The following VAPA variants were observed in gnomAD, a reference collection of about 807,000 sequenced individuals.
VAPA encodes the protein vesicle-associated membrane protein-associated protein A.
Under a neutral mutation model 25.6 loss-of-function variants are expected in VAPA, and 6 were observed. The ratio of observed to expected loss-of-function variants is 0.23; its 90% CI spans 0.13 to 0.46. The LOEUF is 0.46. VAPA is among the 20% of genes least tolerant of loss of function. VAPA has a pLI of 0.99. For missense variants in VAPA, 244 were observed against 302.1 expected, an observed-to-expected ratio of 0.81 and a Z score of 1.43; for synonymous variants, 112 against 106.2, an observed-to-expected ratio of 1.05 and a Z score of -0.34.
At chr18:9,922,435 G>A (rs1398828837) in intron 1 of VAPA, among the ~76,000 whole-genome samples, 2 of 151,960 alleles carry the variant, frequency 1.3e-5, no homozygotes, top group Non-Finnish European at 2.9e-5. Context: ...CTAATATTTA[G>A]TCTATTACAA....
intron 1 of VAPA, among the ~76,000 whole-genome samples, chr18:9,924,533 C>T (rs951917029): frequency 6.6e-6 from 1 of 152,146 alleles, no homozygotes; most frequent in African/African-American, 2.4e-5. Context: ...AAGATTATGT[C>T]ACCAGGATTG....
At chr18:9,922,170 A>G (rs913395916) in intron 1 of VAPA, among the ~76,000 whole-genome samples, 1 of 151,832 alleles carries the variant, frequency 6.6e-6, no homozygotes, top group African/African-American at 2.4e-5. Context: ...CAGTCTTGCT[A>G]TTTTGCCCAG....
In VAPA at chr18:9,954,137, A is replaced by G. The variant is rs1237671148; in HGVS notation, c.676A>G (p.Ser226Gly). 6 of 1,613,958 alleles carry G rather than the reference A, an allele frequency of 3.7e-6. No homozygotes were observed. Among genetic ancestry groups the G allele is most frequent in the Non-Finnish European group, 4.2e-6 (5 of 1,179,926 alleles). The change falls in exon 6 of 6, where the codon AGT becomes GGT. Residue 226 changes from serine (S) to glycine (G), a missense_variant. By Grantham distance (56) the Ser-to-Gly change is moderately conservative. This residue lies in a region of VAPA where 145 missense variants were observed against 140.6 expected (regional missense o/e 1.03). Coordinates refer to ENST00000400000, the MANE Select transcript of VAPA (RefSeq NM_194434.3). ...TGCATCCTTCAGAGATAATGTCACCAGTCCTCTTCCTTCACTTCTTGTTGT... is the reference window on the plus strand; with the variant it reads ...TGCATCCTTCAGAGATAATGTCACCGGTCCTCTTCCTTCACTTCTTGTTGT... ...STASFRDNVT[S>G]PLPSLLVVIA... is the part of the protein sequence containing the mutation.
chr18:9,955,899 CCT>C lies in VAPA; in HGVS notation c.*1692_*1693del, dbSNP rs1240034159. ...GCTTTACTGTCTTTGTAAAAATCCC[CCT>C]CTCCCCTTTTCTGGTAACTGGAAAA... is the stretch of plus-strand genomic sequence containing the variant. On this transcript the variant is annotated 3_prime_UTR_variant, in exon 6 of 6. Coordinates refer to ENST00000400000, the MANE Select transcript of VAPA (RefSeq NM_194434.3). 2 of 151,206 alleles carry C rather than the reference CCT, an allele frequency of 1.3e-5. No individual in the cohort carries two copies. Among genetic ancestry groups the C allele is most frequent in the Admixed American group, 6.6e-5 (1 of 15,194 alleles). The allele number at this position is 151,206 out of a possible 1,614,324, so 9.4% of individuals were successfully genotyped here. A position where few individuals can be genotyped will look rare whatever the true frequency, so the allele number is the denominator to read the frequency against.
chr18:9,935,787 C>A (rs557362216), intron 2 of VAPA, among the ~76,000 whole-genome samples: 103 of 152,230 alleles, frequency 6.8e-4, no homozygotes, highest in African/African-American at 2.3e-3. Context: ...TTAGAAAGGG[C>A]AAAATCATAG....
chr18:9,923,129 A>G (rs2069171254), intron 1 of VAPA, among the ~76,000 whole-genome samples: 1 of 152,192 alleles, frequency 6.6e-6, no homozygotes. Context: ...AATATACCAT[A>G]GCATGCTTAG....
chr18:9,917,880 A>G (rs1213829467), intron 1 of VAPA, among the ~76,000 whole-genome samples: 1 of 152,250 alleles, frequency 6.6e-6, no homozygotes, highest in African/African-American at 2.4e-5. Context: ...TCGGCTCTTC[A>G]TGTTTCCCAG....
At chr18:9,939,128 T>G (rs1375834479) in intron 4 of VAPA, among the ~76,000 whole-genome samples, 6 of 150,380 alleles carry the variant, frequency 4.0e-5, no homozygotes, top group Middle Eastern at 6.8e-3. Context: ...TTTTTTTTTC[T>G]GCAGTTTGTT....
intron 4 of VAPA, 46 bp downstream of exon 4, chr18:9,937,112 G>T: frequency 6.7e-7 from 1 of 1,482,858 alleles, no homozygotes; most frequent in Non-Finnish European, 9.3e-7. Flanking sequence ...TGAGCTCTCA[G>T]TTCCTTTGAT....
chr18:9,959,752 G>T lies in VAPA; in HGVS notation c.*5541G>T, dbSNP rs575854915. 1 of 149,632 alleles carries T rather than the reference G, an allele frequency of 6.7e-6. No individual in the cohort carries two copies. The highest frequency in any genetic ancestry group is 1.5e-5 in the Non-Finnish European group (1 of 67,426). The allele number at this position is 149,632 out of a possible 1,614,324, so 9.3% of individuals were successfully genotyped here. A position where few individuals can be genotyped will look rare whatever the true frequency, so the allele number is the denominator to read the frequency against. On this transcript the variant is annotated 3_prime_UTR_variant, in exon 6 of 6. Transcript: ENST00000400000. ...AAAAAAAAAAAAAAAAAAAAATGTG[G>T]AGGGTTGAAATGGTAAGGAATTGGA...
intron 1 of VAPA, among the ~76,000 whole-genome samples, chr18:9,921,955 GTTTA>G (rs113050282): frequency 6.6e-6 from 1 of 151,902 alleles, no homozygotes; most frequent in African/African-American, 2.4e-5. Flanking sequence ...AATCATACGT[GTTTA>G]TTTATATATT....
intron 4 of VAPA, 119 bp from the exon 5 acceptor site, chr18:9,950,276 G>A (rs2069474862): frequency 9.5e-7 from 1 of 1,050,096 alleles, no homozygotes; most frequent in African/African-American, 1.6e-5. Context: ...GACATGTACT[G>A]ATTTAGGCCT....
chr18:9,954,503 TA>T lies in VAPA; in HGVS notation c.*294del, dbSNP rs1159996871. 27 of 268,098 alleles carry T rather than the reference TA, an allele frequency of 1.0e-4. No homozygotes were observed. The highest frequency in any genetic ancestry group is 1.7e-4 in the Non-Finnish European group (25 of 145,046). 16.6% of individuals were successfully genotyped at this position (268,098 alleles called of 1,614,324 possible). A position where few individuals can be genotyped will look rare whatever the true frequency, so the allele number is the denominator to read the frequency against. Reference sequence around the variant, plus strand: ...AAGAATTGTTCTTTCTTTGTGGTTTTAATAAGAGTTCAAGAATTGTTCAGAG... The same window carrying T: ...AAGAATTGTTCTTTCTTTGTGGTTTTATAAGAGTTCAAGAATTGTTCAGAG... On this transcript the variant is annotated 3_prime_UTR_variant, in exon 6 of 6. Coordinates refer to ENST00000400000, the MANE Select transcript of VAPA (RefSeq NM_194434.3).
intron 5 of VAPA, among the ~76,000 whole-genome samples, chr18:9,953,521 A>G (rs368976137): frequency 2.6e-5 from 4 of 152,304 alleles, no homozygotes; most frequent in South Asian, 4.1e-4. Context: ...GTTTACGGCA[A>G]GAACACCCTT....
At position 9,957,252 on chromosome 18, in the gene VAPA, A is replaced by C. The variant is rs2143464529; in HGVS notation, c.*3041A>C. On this transcript the variant is annotated 3_prime_UTR_variant, in exon 6 of 6. Coordinates refer to ENST00000400000, the MANE Select transcript of VAPA (RefSeq NM_194434.3). ...TCACCATGTTGGTCAGGCTGGGCTC[A>C]AACTCCTGAATCCGCCTGCCTCGGC... 6.6e-6 allele frequency: 1 copy of C among 152,220 alleles called. No individual in the cohort carries two copies. Among genetic ancestry groups the C allele is most frequent in the Non-Finnish European group, 1.5e-5 (1 of 68,042 alleles). The allele number at this position is 152,220 out of a possible 1,614,324, so 9.4% of individuals were successfully genotyped here.
At chr18:9,925,387 A>T (rs2069191947) in intron 1 of VAPA, among the ~76,000 whole-genome samples, 2 of 152,096 alleles carry the variant, frequency 1.3e-5, no homozygotes, top group Non-Finnish European at 2.9e-5. Context: ...TAATCTCAGG[A>T]TCCATACTTT....
Position 9,914,286 on chromosome 18 carries a change from G to A in VAPA, c.30G>A (p.Lys10=). 1 of 1,592,068 alleles carries A rather than the reference G, an allele frequency of 6.3e-7. No homozygotes were observed. The highest frequency in any genetic ancestry group is 2.4e-5 in the East Asian group (1 of 41,482). The change falls in exon 1 of 6, where the codon AAG becomes AAA. Residue 10 remains lysine (K), a synonymous_variant. Transcript: ENST00000400000. ...CGTCCGCCTCAGGGGCCATGGCGAA[G>A]CACGAGCAGATCCTGGTCCTCGATC... MASASGAMA[K]HEQILVLDPP...
chr18:9,938,655 A>G (rs1259110792), intron 4 of VAPA, among the ~76,000 whole-genome samples: 3 of 152,210 alleles, frequency 2.0e-5, no homozygotes, highest in Non-Finnish European at 4.4e-5. Context: ...AGTAACTTCA[A>G]AGTACTTTAG....
chr18:9,937,034 G>T lies in VAPA; in HGVS notation c.385G>T (p.Val129Leu). ...ATTAATGGATTCCAAATTGAGATGC[G>T]TATTTGAAATGCCCAATGAAAATGA... The part of the protein sequence containing the change: ...DELMDSKLRC[V>L]FEMPNENDKL... Residue 129 changes from valine (V) to leucine (L), a missense_variant, in exon 4 of 6, where the codon GTA becomes TTA. Transcript: ENST00000400000. 1 of 1,613,898 alleles carries T rather than the reference G, an allele frequency of 6.2e-7. No homozygotes were observed. The highest frequency in any genetic ancestry group is 8.5e-7 in the Non-Finnish European group (1 of 1,179,902).
Sources: allele counts gnomAD v4.1 joint callset (sites outside exome capture counted in the v4.1 genomes callset), GRCh38; gene constraint gnomAD v4.1.1; regional missense constraint gnomAD v4.1.1; transcripts MANE v1.5; gene names NCBI Gene and HGNC (gene_info 2026-07-23, HGNC 2026-07-21).